Variants in PAK3 observed in about 807,000 individuals in gnomAD.
PAK3 encodes serine/threonine-protein kinase PAK 3.
Under a neutral mutation model 41.0 loss-of-function variants are expected in PAK3, and 4 were observed. The ratio of observed to expected loss-of-function variants is 0.10; its 90% CI spans 0.05 to 0.22. The LOEUF is 0.22. Ranked by LOEUF, PAK3 falls within the 10% of genes least tolerant of loss-of-function variation. The pLI, the probability that PAK3 is intolerant of heterozygous loss-of-function variation, is 1.00. For missense variants in PAK3, 205 were observed against 409.9 expected, an observed-to-expected ratio of 0.50 and a Z score of 4.32; for synonymous variants, 146 against 139.6, an observed-to-expected ratio of 1.05 and a Z score of -0.32.
chrX:111,144,958 G>T, intron 6 of PAK3: 1 of 797,846 alleles, frequency 1.3e-6, no homozygotes, highest in South Asian at 2.3e-5. Flanking sequence ...CTTATGATAA[G>T]ATAAATGCTT....
intron 4 of PAK3, among the ~76,000 whole-genome samples, chrX:111,106,237 C>T (rs191858750): frequency 5.4e-5 from 6 of 111,965 alleles, no homozygotes; most frequent in African/African-American, 9.7e-5. Context: ...TCGCTACACA[C>T]GTTTGCACCA....
intron 4 of PAK3, among the ~76,000 whole-genome samples, chrX:111,111,011 C>A (rs1192116435): frequency 8.9e-6 from 1 of 111,973 alleles, no homozygotes; most frequent in Admixed American, 9.5e-5. Context: ...CTTCCAACCT[C>A]TAAATGTTGG....
intron 1 of PAK3, among the ~76,000 whole-genome samples, chrX:110,981,825 G>A (rs1032359469): frequency 6.3e-5 from 7 of 111,499 alleles, no homozygotes; most frequent in Non-Finnish European, 1.3e-4. Flanking sequence ...TTTTAAAAGT[G>A]AGGCCAATGG....
At chrX:111,088,690 A>G (rs1038756946) in intron 1 of PAK3, among the ~76,000 whole-genome samples, 2 of 112,201 alleles carry the variant, frequency 1.8e-5, no homozygotes, top group Middle Eastern at 9.3e-3. Context: ...ACTCAAATTT[A>G]TTGTGTGGTT....
Position 110,950,439 on chromosome X carries a change from G to T in PAK3, c.-28+5811G>T, listed in dbSNP as rs771510159. Among the ~76,000 whole-genome samples, 10 of 111,525 alleles carry T rather than the reference G, an allele frequency of 9.0e-5. No individual in the cohort carries two copies. The East Asian group carries it at 2.8e-3, about 32-fold the overall frequency. On this transcript the variant is annotated intron_variant, in intron 1 of 14. Coordinates refer to the PAK3 transcript ENST00000425146. ...GTTTTTAAATTTTACTTTAAGTTCT[G>T]GGATACATGTGCAGAATGTGCAGGT...
At chrX:110,968,576 A>G (rs1000548187) in intron 1 of PAK3, among the ~76,000 whole-genome samples, 2 of 112,150 alleles carry the variant, frequency 1.8e-5, no homozygotes, top group Non-Finnish European at 3.8e-5. Flanking sequence ...CTTAATGGCT[A>G]ATGATATTAA....
At chrX:111,127,849 A>C (rs984691074) in intron 5 of PAK3, among the ~76,000 whole-genome samples, 4 of 111,957 alleles carry the variant, frequency 3.6e-5, no homozygotes, top group African/African-American at 1.3e-4. Flanking sequence ...TCTACTTTGA[A>C]TTTATGCTAT....
chrX:111,227,227 T>G lies in PAK3; in HGVS notation c.*6780T>G, dbSNP rs1399301594. On this transcript the variant is annotated 3_prime_UTR_variant, in exon 18 of 18. Transcript: ENST00000372007. ...TTTTAAGGATTTTTGTTTTCAATAT[T>G]GTTATTTTAAATTGTGGTTGAAGCA... 8.9e-6 allele frequency: 1 copy of G among 112,568 alleles called. No individual in the cohort carries two copies. The highest frequency in any genetic ancestry group is 3.2e-5 in the African/African-American group (1 of 30,951). 9.3% of individuals were successfully genotyped at this position (112,568 alleles called of 1,213,427 possible).
At chrX:110,979,370 C>T (rs1308285250) in intron 1 of PAK3, among the ~76,000 whole-genome samples, 1 of 103,416 alleles carries the variant, frequency 9.7e-6, no homozygotes, top group Non-Finnish European at 2.0e-5. Flanking sequence ...GCCATCTCTG[C>T]CCACTGCAAG....
chrX:111,192,139 T>C lies in PAK3; in HGVS notation c.843T>C (p.Thr281=). Residue 281 remains threonine, a synonymous_variant, in exon 12 of 18, where the codon ACT becomes ACC. Transcript: ENST00000372007. The part of the protein sequence containing the change: ...FEKIGQGASG[T]VYTALDIATG... Reference sequence around the variant, plus strand: ...TTCACCTTCACAGGGCATCAGGTACTGTTTATACAGCACTAGACATTGCAA... The same window carrying C: ...TTCACCTTCACAGGGCATCAGGTACCGTTTATACAGCACTAGACATTGCAA... 4 of 1,117,964 alleles carry C rather than the reference T, an allele frequency of 3.6e-6. No individual in the cohort carries two copies. The highest frequency in any genetic ancestry group is 4.9e-6 in the Non-Finnish European group (4 of 810,859). The allele number at this position is 1,117,964 out of a possible 1,213,427, so 92.1% of individuals were successfully genotyped here. A position where few individuals can be genotyped will look rare whatever the true frequency, so the allele number is the denominator to read the frequency against.
At chrX:111,204,878 GTTTTT>G (rs1163687252) in intron 16 of PAK3, among the ~76,000 whole-genome samples, 12 of 37,669 alleles carry the variant, frequency 3.2e-4, no homozygotes, top group African/African-American at 1.2e-3. Context: ...CCTTTGCTTT[GTTTTT>G]TTTTTTTTTT....
In PAK3 at chrX:111,142,208, C is replaced by T. The variant is rs2093881578; in HGVS notation, c.276+12C>T. On this transcript the variant is annotated intron_variant, in intron 6 of 17. Coordinates refer to ENST00000372007, the MANE Select transcript of PAK3 (RefSeq NM_002578.5). Reference sequence around the variant, plus strand: ...CCGGGGAATTCACTGTAAGTAAGCTCCTTGTTTTGTTTTGTAAGCCACGAA... The same window carrying T: ...CCGGGGAATTCACTGTAAGTAAGCTTCTTGTTTTGTTTTGTAAGCCACGAA... 1.0e-6 allele frequency: 1 copy of T among 965,645 alleles called. No individual in the cohort carries two copies. The highest frequency in any genetic ancestry group is 2.6e-4 in the Middle Eastern group (1 of 3,867). The allele number at this position is 965,645 out of a possible 1,213,427, so 79.6% of individuals were successfully genotyped here. A position where few individuals can be genotyped will look rare whatever the true frequency, so the allele number is the denominator to read the frequency against.
chrX:111,053,154 C>A (rs1030515365), intron 1 of PAK3, among the ~76,000 whole-genome samples: 1 of 111,154 alleles, frequency 9.0e-6, no homozygotes, highest in East Asian at 2.8e-4. Flanking sequence ...CAGGAGGGAA[C>A]TGAGGTTATA....
chrX:110,949,624 G>A (rs1158034335), intron 1 of PAK3, among the ~76,000 whole-genome samples: 1 of 111,294 alleles, frequency 9.0e-6, no homozygotes, highest in Non-Finnish European at 1.9e-5. Flanking sequence ...GATTCCCAGA[G>A]GTGGAATTGT....
intron 4 of PAK3, among the ~76,000 whole-genome samples, chrX:111,117,357 T>G (rs1337366664): frequency 9.0e-6 from 1 of 111,730 alleles, no homozygotes; most frequent in Non-Finnish European, 1.9e-5. Flanking sequence ...TTGGATACTA[T>G]TCTCAGTTTT....
At chrX:111,084,916 C>T (rs1049482299) in intron 1 of PAK3, among the ~76,000 whole-genome samples, 11 of 111,850 alleles carry the variant, frequency 9.8e-5, no homozygotes, top group Non-Finnish European at 3.8e-5. Context: ...TTTATAGGAG[C>T]TTTACAAATG....
chrX:111,093,828 G>A (rs1463575578), upstream of PAK3, among the ~76,000 whole-genome samples: 3 of 112,140 alleles, frequency 2.7e-5, no homozygotes, highest in African/African-American at 3.2e-5. Flanking sequence ...AGGTATATGG[G>A]AGGATTAGAG....
At chrX:110,993,917 A>G (rs1434355311) in intron 1 of PAK3, among the ~76,000 whole-genome samples, 1 of 111,782 alleles carries the variant, frequency 8.9e-6, no homozygotes, top group Non-Finnish European at 1.9e-5. Flanking sequence ...ACACAGATCT[A>G]TGGTTTTACT....
At chrX:111,138,811 T>C (rs2093829055) in intron 5 of PAK3, among the ~76,000 whole-genome samples, 1 of 110,853 alleles carries the variant, frequency 9.0e-6, no homozygotes, top group Non-Finnish European at 1.9e-5. Context: ...TTTTAACTTA[T>C]GGGTAATAGG....
Sources: gnomAD v4.1 joint callset for allele counts (sites outside exome capture counted in the v4.1 genomes callset) on GRCh38, gnomAD v4.1.1 for gene constraint, MANE v1.5 for transcripts, NCBI Gene and HGNC (gene_info 2026-07-23, HGNC 2026-07-21) for gene names.